The following ZNF516 variants were observed in gnomAD, a reference collection of about 807,000 sequenced individuals.
The protein encoded by ZNF516 is zinc finger protein 516.
ZNF516 carries 19 observed loss-of-function variants against 79.7 expected under a neutral mutation model. The observed-to-expected ratio is 0.24, with a 90% CI of 0.17 to 0.35. The LOEUF (loss-of-function observed/expected upper bound fraction) is 0.35. ZNF516 is among the 10% of genes least tolerant of loss of function. ZNF516 has a pLI of 1.00. For missense variants in ZNF516, 1,678 were observed against 1,679.5 expected, an observed-to-expected ratio of 1.00 and a Z score of 0.02; for synonymous variants, 877 against 739.5, an observed-to-expected ratio of 1.19 and a Z score of -3.02.
chr18:76,372,383 G>A (rs1391354261), intron 4 of ZNF516, among the ~76,000 whole-genome samples: 1 of 152,196 alleles, frequency 6.6e-6, no homozygotes, highest in Non-Finnish European at 1.5e-5. Context: ...AATTTCTCTG[G>A]CTGGGAGAGT....
In ZNF516 at chr18:76,391,603, C is replaced by T. The variant is rs544856753; in HGVS notation, c.1811-11300G>A. On this transcript the variant is annotated intron_variant, in intron 3 of 6. Transcript: ENST00000443185. ...GCCCGCAGCCAGGTCCTCCTGCAAACCTGCACAGCCCCATCCCAGACACGT... is the reference window on the plus strand; with the variant it reads ...GCCCGCAGCCAGGTCCTCCTGCAAATCTGCACAGCCCCATCCCAGACACGT... Among the ~76,000 whole-genome samples, 23 of 152,336 alleles carry T rather than the reference C, an allele frequency of 1.5e-4. No individual in the cohort carries two copies. In the South Asian group the frequency reaches 4.6e-3, roughly 30 times the overall value.
At chr18:76,381,147 C>T (rs1045412358) in intron 3 of ZNF516, among the ~76,000 whole-genome samples, 26 of 152,132 alleles carry the variant, frequency 1.7e-4, no homozygotes, top group Non-Finnish European at 7.4e-5. Flanking sequence ...CCAAGGAACG[C>T]GTGAGACAGG....
rs1272879865 is a variant in ZNF516 at position 76,360,836 on chromosome 18, C to T, written c.*1662G>A. ...ATAATAATAATATAATAATATTCAA[C>T]AAATCATTAGAACAGGAAACCCACA... On this transcript the variant is annotated 3_prime_UTR_variant, in exon 7 of 7. Coordinates refer to ENST00000443185, the MANE Select transcript of ZNF516 (RefSeq NM_014643.4). The T allele has an allele frequency of 6.7e-6, 1 of 148,354 alleles. No homozygotes were observed. Among genetic ancestry groups the T allele is most frequent in the African/African-American group, 2.5e-5 (1 of 40,370 alleles). The allele number at this position is 148,354 out of a possible 1,614,324, so 9.2% of individuals were successfully genotyped here.
chr18:76,474,849 C>T (rs8087064), intron 1 of ZNF516, among the ~76,000 whole-genome samples: 37,294 of 152,040 alleles, frequency 0.25, 5,729 homozygotes, highest in African/African-American at 0.43. Flanking sequence ...CAATGTTTTT[C>T]AAACTCTAGG....
chr18:76,477,399 A>G (rs987967990), intron 1 of ZNF516, among the ~76,000 whole-genome samples: 17 of 152,196 alleles, frequency 1.1e-4, no homozygotes, highest in African/African-American at 4.1e-4. Context: ...GGTAACCTGA[A>G]GTGTCACCTC....
chr18:76,481,130 C>G (rs913939052), intron 1 of ZNF516, among the ~76,000 whole-genome samples: 2 of 152,200 alleles, frequency 1.3e-5, no homozygotes, highest in African/African-American at 4.8e-5. Context: ...GACCTAGGAT[C>G]CAAGGCCACT....
chr18:76,428,772 C>T (rs553385534), intron 3 of ZNF516, among the ~76,000 whole-genome samples: 1 of 152,376 alleles, frequency 6.6e-6, no homozygotes, highest in South Asian at 2.1e-4. Flanking sequence ...CCGGTAAGGA[C>T]AGTCAACAGA....
chr18:76,475,200 C>T (rs1384222114), intron 1 of ZNF516, among the ~76,000 whole-genome samples: 1 of 152,188 alleles, frequency 6.6e-6, no homozygotes, highest in Non-Finnish European at 1.5e-5. Flanking sequence ...ATCAACAAAT[C>T]ATGAATAACT....
At chr18:76,475,426 T>C (rs952524568) in intron 1 of ZNF516, among the ~76,000 whole-genome samples, 2 of 152,242 alleles carry the variant, frequency 1.3e-5, no homozygotes, top group African/African-American at 4.8e-5. Context: ...TTATCTTTGT[T>C]GGTAAATTTG....
intron 3 of ZNF516, among the ~76,000 whole-genome samples, chr18:76,439,404 A>G (rs1266856639): frequency 6.6e-6 from 1 of 152,212 alleles, no homozygotes; most frequent in Non-Finnish European, 1.5e-5. Flanking sequence ...TCCTCTCTCA[A>G]TAAGCTGAAA....
chr18:76,409,329 T>G (rs1271676561), intron 3 of ZNF516, among the ~76,000 whole-genome samples: 3 of 152,254 alleles, frequency 2.0e-5, no homozygotes, highest in African/African-American at 4.8e-5. Flanking sequence ...TATTCATTAT[T>G]GAAATTAATT....
At chr18:76,468,560 G>T (rs1913636520) in intron 1 of ZNF516, among the ~76,000 whole-genome samples, 1 of 151,868 alleles carries the variant, frequency 6.6e-6, no homozygotes. Flanking sequence ...GGGACTACAG[G>T]TGTGCACCAC....
rs751707319 is a variant in ZNF516 at position 76,371,524 on chromosome 18, A to C, written c.3307T>G (p.Cys1103Gly). 6.2e-7 allele frequency: 1 copy of C among 1,610,758 alleles called. No homozygotes were observed. The highest frequency in any genetic ancestry group is 8.5e-7 in the Non-Finnish European group (1 of 1,179,784). The change falls in exon 5 of 7, where the codon TGC becomes GGC. Residue 1103 changes from cysteine to glycine, a missense_variant. Cys to Gly is a radical substitution (Grantham distance 159). Around this residue, in one of 5 missense-constraint regions of ZNF516, gnomAD observed 1,294 missense variants for 1,248.3 expected, o/e 1.04. Transcript: ENST00000443185. ...CCGGGCTGGTGGAAGCTCTTTCCGC[A>C]CTCGATGCAGACGAACTCTCCTGGC... ...ARPGEFVCIE[C>G]GKSFHQPGHL... is the part of the protein sequence containing the mutation.
intron 3 of ZNF516, among the ~76,000 whole-genome samples, chr18:76,440,746 G>T (rs1379895498): frequency 6.3e-5 from 6 of 95,660 alleles, no homozygotes; most frequent in Non-Finnish European, 1.5e-4. Context: ...GTGTGTTTGT[G>T]TGTGTGTGTG....
intron 3 of ZNF516, among the ~76,000 whole-genome samples, chr18:76,423,427 C>A (rs1373157026): frequency 6.6e-6 from 1 of 152,218 alleles, no homozygotes; most frequent in African/African-American, 2.4e-5. Context: ...CTGAAACACA[C>A]GCAGGTGAAA....
At chr18:76,433,516 C>T (rs1273175659) in intron 3 of ZNF516, among the ~76,000 whole-genome samples, 1 of 152,190 alleles carries the variant, frequency 6.6e-6, no homozygotes, top group African/African-American at 2.4e-5. Flanking sequence ...GGTTTGCATT[C>T]CACCCTGGGT....
intron 3 of ZNF516, among the ~76,000 whole-genome samples, chr18:76,423,327 C>T (rs936151839): frequency 1.3e-5 from 2 of 152,172 alleles, no homozygotes; most frequent in Non-Finnish European, 2.9e-5. Context: ...TTAATAAGTC[C>T]GCAATGTGAA....
At chr18:76,399,680 C>T (rs200237171) in intron 3 of ZNF516, among the ~76,000 whole-genome samples, 2 of 152,184 alleles carry the variant, frequency 1.3e-5, no homozygotes, top group East Asian at 3.9e-4. Flanking sequence ...CTTCTGTCAC[C>T]TCTAGACTCG....
At chr18:76,381,145 C>T (rs1159997494) in intron 3 of ZNF516, among the ~76,000 whole-genome samples, 2 of 152,154 alleles carry the variant, frequency 1.3e-5, no homozygotes, top group African/African-American at 2.4e-5. Context: ...ACCCAAGGAA[C>T]GCGTGAGACA....
Sources: allele counts gnomAD v4.1 joint callset (sites outside exome capture counted in the v4.1 genomes callset), GRCh38; gene constraint gnomAD v4.1.1; regional missense constraint gnomAD v4.1.1; transcripts MANE v1.5; gene names NCBI Gene and HGNC (gene_info 2026-07-23, HGNC 2026-07-21).